The following RNASEH2B variants were observed in gnomAD, a reference collection of about 807,000 sequenced individuals.
RNASEH2B encodes Aicardi-Goutieres syndrome 2 protein.
A neutral mutation model predicts 45.0 loss-of-function variants in RNASEH2B; 36 were observed. The observed-to-expected ratio is 0.80, with a 90% confidence interval of 0.61 to 1.06. The LOEUF is 1.06. RNASEH2B is among the 50% of genes least tolerant of loss of function. The pLI, the probability that RNASEH2B is intolerant of heterozygous loss-of-function variation, is 0.00. For missense variants in RNASEH2B, 361 were observed against 360.3 expected, an observed-to-expected ratio of 1.00 and a Z score of -0.02; for synonymous variants, 119 against 125.7, an observed-to-expected ratio of 0.95 and a Z score of 0.35.
chr13:50,949,172 C>A, intron 8 of RNASEH2B: 1 of 320,016 alleles, frequency 3.1e-6, no homozygotes, highest in Non-Finnish European at 5.8e-6. Flanking sequence ...ACTCCAACAC[C>A]GAAACACAAA....
chr13:50,918,133 ATATTTATT>A lies in RNASEH2B; in HGVS notation c.64+8008_64+8015del, dbSNP rs1180866537. ...TGCTGAAGGCTAGTTTCTAATTTTT[ATATTTATT>A]TATTTATTTATTTAGAGACAGAGTC... On this transcript the variant is annotated intron_variant, in intron 1 of 10. Transcript: ENST00000336617. 3.0e-4 allele frequency among the ~76,000 whole-genome samples: 45 copies of A among 151,900 alleles called. 1 individual carries two copies. Among genetic ancestry groups the A allele is most frequent in the Admixed American group, 1.4e-3 (21 of 15,266 alleles).
chr13:50,943,352 C>T lies in RNASEH2B; in HGVS notation c.468C>T (p.Tyr156=), dbSNP rs775300215. ...CAGAAATAGACAACAAGAAATATTA[C>T]AAGTACAGCAAAGAGAAGACATTAA... ...GNPEIDNKKY[Y]KYSKEKTLKW... Residue 156 remains tyrosine (Y), a synonymous_variant, in exon 6 of 11, where the codon TAC becomes TAT. Transcript: ENST00000336617. 3.7e-6 allele frequency: 6 copies of T among 1,603,016 alleles called. No individual in the cohort carries two copies. Among genetic ancestry groups the T allele is most frequent in the Admixed American group, 1.7e-5 (1 of 59,852 alleles).
At chr13:50,966,397 A>G (rs1952165011) in intron 9 of RNASEH2B, among the ~76,000 whole-genome samples, 1 of 152,252 alleles carries the variant, frequency 6.6e-6, no homozygotes, top group Middle Eastern at 3.4e-3. Context: ...TCTTACTTAC[A>G]TCATTTTTCT....
intron 9 of RNASEH2B, chr13:50,951,061 C>A (rs1324581248): frequency 6.6e-6 from 1 of 152,204 alleles, no homozygotes; most frequent in Non-Finnish European, 1.5e-5. Context: ...TTTATAAAAG[C>A]AGGCAGCCAG....
At chr13:50,954,915 C>A (rs1426214204) in intron 10 of RNASEH2B, 1 of 152,248 alleles carries the variant, frequency 6.6e-6, no homozygotes, top group East Asian at 1.9e-4. Flanking sequence ...TAGAAAGGTT[C>A]TTTTTCCAAA....
At chr13:50,942,972 G>A (rs1180968859) in intron 5 of RNASEH2B, 6 of 232,236 alleles carry the variant, frequency 2.6e-5, no homozygotes, top group African/African-American at 4.7e-5. Context: ...GCTAGGGACC[G>A]GCCCTCTTCT....
At chr13:50,946,662 G>A (rs909551475) in intron 7 of RNASEH2B, among the ~76,000 whole-genome samples, 3 of 152,142 alleles carry the variant, frequency 2.0e-5, no homozygotes, top group African/African-American at 7.2e-5. Flanking sequence ...TTTTTTAAAT[G>A]GAGAGGTAGG....
At chr13:50,913,096 G>A (rs1218060721) in intron 1 of RNASEH2B, 1 of 152,186 alleles carries the variant, frequency 6.6e-6, no homozygotes, top group Non-Finnish European at 1.5e-5. Flanking sequence ...GTTTTCATAG[G>A]CTGGTGAAGA....
upstream of RNASEH2B, chr13:50,909,779 T>G: frequency 6.7e-6 from 2 of 299,182 alleles, no homozygotes; most frequent in Non-Finnish European, 6.2e-6. Flanking sequence ...CGGCGCGCGA[T>G]GAGCACCTAC....
chr13:50,956,508 C>CT lies in RNASEH2B; in HGVS notation c.*39dup, dbSNP rs1207059645. 6.3e-7 allele frequency: 1 copy of CT among 1,576,638 alleles called. No homozygotes were observed. The highest frequency in any genetic ancestry group is 1.8e-5 in the Admixed American group (1 of 56,660). ...AAATAAAATCTAGCAAAAATATTTG[C>CT]TTTTTACATGTTTCAGTTTGTCCTT... On this transcript the variant is annotated 3_prime_UTR_variant, in exon 11 of 11. Coordinates refer to ENST00000336617, the MANE Select transcript of RNASEH2B (RefSeq NM_024570.4).
At chr13:50,952,006 G>A (rs984503904) in intron 9 of RNASEH2B, 13 of 152,078 alleles carry the variant, frequency 8.5e-5, no homozygotes, top group African/African-American at 2.4e-4. Flanking sequence ...TCAATGAAAA[G>A]TGAACCTCAT....
intron 9 of RNASEH2B, 87 bp downstream of exon 9, chr13:50,949,592 TTAAGGTG>T (rs1951951401): frequency 8.0e-7 from 1 of 1,244,954 alleles, no homozygotes; most frequent in African/African-American, 1.5e-5. Flanking sequence ...CTAATATATT[TTAAGGTG>T]TACTAAATCC....
chr13:50,926,206 G>T (rs1418061192), intron 1 of RNASEH2B, among the ~76,000 whole-genome samples: 3 of 151,980 alleles, frequency 2.0e-5, no homozygotes, highest in South Asian at 4.2e-4. Context: ...AGAAAAAATG[G>T]TCGTATTTTA....
Position 50,909,966 on chromosome 13 carries a change from C to T in RNASEH2B, c.-111C>T, listed in dbSNP as rs913827642. 7 of 955,732 alleles carry T rather than the reference C, an allele frequency of 7.3e-6. No homozygotes were observed. Among genetic ancestry groups the T allele is most frequent in the Non-Finnish European group, 8.9e-6 (6 of 677,204 alleles). 59.2% of individuals were successfully genotyped at this position (955,732 alleles called of 1,614,324 possible). A position where few individuals can be genotyped will look rare whatever the true frequency, so the allele number is the denominator to read the frequency against. On this transcript the variant is annotated 5_prime_UTR_variant, in exon 1 of 11. Coordinates refer to ENST00000336617, the MANE Select transcript of RNASEH2B (RefSeq NM_024570.4). ...GCCTCCTCCCGGGCGCTGCCGGTCC[C>T]TCAGCGCGCCGCGCCACCCGGAACA...
chr13:50,953,821 A>C, intron 9 of RNASEH2B, 84 bp from the exon 10 acceptor site: 1 of 923,904 alleles, frequency 1.1e-6, no homozygotes, highest in South Asian at 1.4e-5. Flanking sequence ...AGAGGTCTAA[A>C]TTATACATGT....
intron 10 of RNASEH2B, 46 bp from the exon 11 acceptor site, chr13:50,956,308 TAATA>T: frequency 1.4e-6 from 2 of 1,397,218 alleles, no homozygotes; most frequent in Non-Finnish European, 2.0e-6. Context: ...CATATATGAT[TAATA>T]AATGTTACAT....
intron 9 of RNASEH2B, among the ~76,000 whole-genome samples, chr13:50,964,789 A>G (rs1952148951): frequency 6.6e-6 from 1 of 152,142 alleles, no homozygotes; most frequent in Non-Finnish European, 1.5e-5. Flanking sequence ...GGGTCCTTGA[A>G]TATGCCAAGC....
rs773982703 is a variant in RNASEH2B, at chr13:50,956,341, C to T, written c.823-17C>T. The T allele has an allele frequency of 6.4e-7, 1 of 1,570,430 alleles. No homozygotes were observed. Among genetic ancestry groups the T allele is most frequent in the Middle Eastern group, 1.7e-4 (1 of 5,980 alleles). ...GTTACATTCATAACAATTTTTCTCTCTTATTTTCATTAACAGAAAAATAGC... is the reference window on the plus strand; with the variant it reads ...GTTACATTCATAACAATTTTTCTCTTTTATTTTCATTAACAGAAAAATAGC... On this transcript the variant is annotated splice_polypyrimidine_tract_variant and intron_variant, in intron 10 of 10. Coordinates refer to ENST00000336617, the MANE Select transcript of RNASEH2B (RefSeq NM_024570.4).
At chr13:50,930,782 CCA>C in intron 4 of RNASEH2B, 23 bp downstream of exon 4, 1 of 1,550,322 alleles carries the variant, frequency 6.5e-7, no homozygotes, top group Non-Finnish European at 8.9e-7. Context: ...CTCGGAGCAT[CCA>C]CAGTGAGGAA....
Sources: allele counts gnomAD v4.1 joint callset (sites outside exome capture counted in the v4.1 genomes callset), GRCh38; gene constraint gnomAD v4.1.1; transcripts MANE v1.5; gene names NCBI Gene and HGNC (gene_info 2026-07-23, HGNC 2026-07-21).